Variants in THAP4 observed in about 807,000 individuals in gnomAD.
THAP4 encodes the protein peroxynitrite isomerase THAP4.
In THAP4, 18 loss-of-function variants were observed where a neutral mutation model predicts 48.1. The observed-to-expected ratio is 0.37, with a 90% CI of 0.26 to 0.56. THAP4 has a LOEUF of 0.56. Among genes scored for constraint, THAP4 ranks in the 20% least tolerant of loss-of-function variants. THAP4 has a pLI of 0.78. For synonymous variants in THAP4, 345 were observed against 324.9 expected (o/e 1.06, Z -0.66); for missense variants, 656 against 774.9 (o/e 0.85, Z 1.82).
intron 5 of THAP4, among the ~76,000 whole-genome samples, chr2:241,597,235 G>A (rs2067061554): frequency 6.6e-6 from 1 of 152,158 alleles, no homozygotes; most frequent in African/African-American, 2.4e-5. Flanking sequence ...CCAGTTTCAA[G>A]CGATTCTCCT....
At chr2:241,619,355 G>C (rs1177403279) in intron 2 of THAP4, among the ~76,000 whole-genome samples, 1 of 152,248 alleles carries the variant, frequency 6.6e-6, no homozygotes, top group East Asian at 1.9e-4. Flanking sequence ...CTTACTGATG[G>C]GGGATGCGTT....
At chr2:241,619,907 G>C (rs2067398647) in intron 2 of THAP4, among the ~76,000 whole-genome samples, 2 of 116,242 alleles carry the variant, frequency 1.7e-5, no homozygotes, top group Non-Finnish European at 3.6e-5. Flanking sequence ...CGTGAGTGAG[G>C]GGTGAATGAG....
chr2:241,608,191 A>T, intron 2 of THAP4, among the ~76,000 whole-genome samples: 1 of 152,174 alleles, frequency 6.6e-6, no homozygotes, highest in East Asian at 1.9e-4. Flanking sequence ...CTTGGAACCA[A>T]GGAGGGCCGC....
At chr2:241,619,198 C>A (rs1169312145) in intron 2 of THAP4, among the ~76,000 whole-genome samples, 2 of 152,192 alleles carry the variant, frequency 1.3e-5, no homozygotes, top group Non-Finnish European at 2.9e-5. Context: ...CTCGGAGAAA[C>A]TCCACGACAA....
chr2:241,634,116 T>G, intron 1 of THAP4, 37 bp from the exon 2 acceptor site: 1 of 1,436,742 alleles, frequency 7.0e-7, no homozygotes, highest in Non-Finnish European at 9.4e-7. Context: ...TAGAAATAAT[T>G]AAATGTCTCC....
Position 241,619,733 on chromosome 2 carries a change from GGGTGAGTGAGGGGTGAGTGAGTT to G in THAP4, c.1240+13161_1240+13183del, listed in dbSNP as rs1332524246. Among the ~76,000 whole-genome samples, 181 of 138,288 alleles carry G rather than the reference GGGTGAGTGAGGGGTGAGTGAGTT, an allele frequency of 1.3e-3. 1 individual carries two copies. The highest frequency in any genetic ancestry group is 2.2e-3 in the African/African-American group (82 of 36,904). 90.7% of individuals were successfully genotyped at this position (138,288 alleles called of 152,430 possible). On this transcript the variant is annotated intron_variant, in intron 2 of 5. Transcript: ENST00000407315. Reference sequence around the variant, plus strand: ...AGTGAAGGGTGAGTGAGTCGGTGAGGGGTGAGTGAGGGGTGAGTGAGTTGGTGAGTGAGGGGTGAGTGAGTCGG... The same window carrying G: ...AGTGAAGGGTGAGTGAGTCGGTGAGGGGTGAGTGAGGGGTGAGTGAGTCGG...
intron 1 of THAP4, among the ~76,000 whole-genome samples, chr2:241,635,793 A>C (rs867369833): frequency 1.3e-5 from 2 of 152,128 alleles, no homozygotes; most frequent in Non-Finnish European, 2.9e-5. Context: ...AAAAGAAAAA[A>C]AAACCAGGCC....
intron 2 of THAP4, among the ~76,000 whole-genome samples, chr2:241,632,224 C>A (rs1386392672): frequency 6.6e-6 from 1 of 152,070 alleles, no homozygotes; most frequent in Non-Finnish European, 1.5e-5. Context: ...TCCCCAATAA[C>A]TGGGATTACA....
In THAP4 at chr2:241,637,128, G is replaced by A. The variant is rs1436782359; in HGVS notation, c.-111C>T. 3 of 996,104 alleles carry A rather than the reference G, an allele frequency of 3.0e-6. No homozygotes were observed. Among genetic ancestry groups the A allele is most frequent in the Non-Finnish European group, 3.6e-6 (3 of 838,868 alleles). 61.7% of individuals were successfully genotyped at this position (996,104 alleles called of 1,614,324 possible). On this transcript the variant is annotated 5_prime_UTR_variant, in exon 1 of 6. Coordinates refer to ENST00000407315, the MANE Select transcript of THAP4 (RefSeq NM_015963.6). The stretch of plus-strand genomic sequence containing the variant: ...GGCGACACGGCTCGGGACGTGGGCC[G>A]GCCCGCGGCGTCCGCGCCGTACGGC...
intron 2 of THAP4, among the ~76,000 whole-genome samples, chr2:241,614,509 T>C (rs2067314767): frequency 6.6e-6 from 1 of 152,226 alleles, no homozygotes; most frequent in African/African-American, 2.4e-5. Context: ...TAAGTCTGAA[T>C]GAATACAAAT....
At chr2:241,609,764 GCGACAGAGACGTTTT>G (rs1229218779) in intron 2 of THAP4, among the ~76,000 whole-genome samples, 1 of 151,260 alleles carries the variant, frequency 6.6e-6, no homozygotes, top group Non-Finnish European at 1.5e-5. Context: ...TCCAGCCTGG[GCGACAGAGACGTTTT>G]CTCAAAAAAA....
At chr2:241,626,573 T>C (rs1019750680) in intron 2 of THAP4, among the ~76,000 whole-genome samples, 1 of 152,090 alleles carries the variant, frequency 6.6e-6, no homozygotes, top group Admixed American at 6.5e-5. Flanking sequence ...AGTTTTTGTT[T>C]TTTTTTTTTA....
At chr2:241,613,071 T>C (rs911688506) in intron 2 of THAP4, among the ~76,000 whole-genome samples, 1 of 152,218 alleles carries the variant, frequency 6.6e-6, no homozygotes, top group Admixed American at 6.5e-5. Context: ...TTAATGTAGC[T>C]ATTAGAAAAT....
chr2:241,605,094 G>C (rs2067162747), intron 3 of THAP4, among the ~76,000 whole-genome samples: 1 of 152,130 alleles, frequency 6.6e-6, no homozygotes, highest in Non-Finnish European at 1.5e-5. Flanking sequence ...GTTTAAAAAA[G>C]ACTGCTTGGG....
intron 5 of THAP4, among the ~76,000 whole-genome samples, chr2:241,590,559 C>G (rs1301782224): frequency 2.3e-5 from 3 of 132,402 alleles, no homozygotes; most frequent in African/African-American, 5.8e-5. Context: ...ACACTCAGAA[C>G]TGCCCGGCTG....
intron 5 of THAP4, among the ~76,000 whole-genome samples, chr2:241,595,844 C>G (rs2067040277): frequency 6.6e-6 from 1 of 152,172 alleles, no homozygotes; most frequent in South Asian, 2.1e-4. Context: ...GAGCAAGAAC[C>G]AGGCAGAGGC....
At chr2:241,636,729 G>A (rs1385200634) in intron 1 of THAP4, among the ~76,000 whole-genome samples, 11 of 151,582 alleles carry the variant, frequency 7.3e-5, no homozygotes, top group Admixed American at 2.0e-4. Flanking sequence ...GGCGGACCCA[G>A]GCGGCCGGGG....
Position 241,610,633 on chromosome 2 carries a change from T to C in THAP4, c.1241-4160A>G, listed in dbSNP as rs1325935695. ...CGGGGTCTTCTCCCGGCCCCTCATCTACTTGGCAGACGCCTCTCACCGGCA... is the reference window on the plus strand; with the variant it reads ...CGGGGTCTTCTCCCGGCCCCTCATCCACTTGGCAGACGCCTCTCACCGGCA... On this transcript the variant is annotated intron_variant, in intron 2 of 5. Transcript: ENST00000407315. This position sits in a 1 kb window ranked among gnomAD's most constrained non-coding sequence, Gnocchi z 4.2. Among the ~76,000 whole-genome samples, 1 of 151,430 alleles carries C rather than the reference T, an allele frequency of 6.6e-6. No individual in the cohort carries two copies. The highest frequency in any genetic ancestry group is 1.5e-5 in the Non-Finnish European group (1 of 67,860).
chr2:241,637,355 T>G (rs1232372348), upstream of THAP4: 3 of 1,341,902 alleles, frequency 2.2e-6, no homozygotes, highest in Middle Eastern at 2.0e-4. Flanking sequence ...GCCGAGCACG[T>G]CCGTACCGCA....
Sources: gnomAD v4.1 joint callset for allele counts (sites outside exome capture counted in the v4.1 genomes callset) on GRCh38, gnomAD v4.1.1 for gene constraint, Gnocchi (gnomAD v3.1) non-coding constraint, MANE v1.5 for transcripts, NCBI Gene and HGNC (gene_info 2026-07-23, HGNC 2026-07-21) for gene names.